Variants in DOCK1 observed in about 807,000 individuals in gnomAD.
DOCK1 encodes the protein dedicator of cytokinesis protein 1.
A neutral mutation model predicts 262.7 loss-of-function variants in DOCK1; 138 were observed. That is an observed-to-expected ratio of 0.53 (90% CI 0.46 to 0.61). The LOEUF (loss-of-function observed/expected upper bound fraction) is 0.61. Among genes scored for constraint, DOCK1 ranks in the 20% least tolerant of loss-of-function variants. The pLI, the probability that DOCK1 is intolerant of heterozygous loss-of-function variation, is 0.00. For synonymous variants in DOCK1, 866 were observed against 867.4 expected (o/e 1.00, Z 0.03); for missense variants, 1,908 against 2,370.7 (o/e 0.80, Z 4.05).
Position 127,052,801 on chromosome 10 carries a change from G to A in DOCK1, c.2322G>A (p.Arg774=). ...TCTTCAAGTTCATCGTGCGCTCCAG[G>A]ATCCTGTTCAATCAGTGCGTACCTA... The part of the protein sequence containing the change: ...ESIFKFIVRS[R]ILFNQLYENK... The change falls in exon 22 of 52, where the codon AGG becomes AGA. Residue 774 remains arginine (R), a synonymous_variant. Transcript: ENST00000623213. The A allele has an allele frequency of 6.2e-7, 1 of 1,613,180 alleles. No individual in the cohort carries two copies. The highest frequency in any genetic ancestry group is 8.5e-7 in the Non-Finnish European group (1 of 1,179,408).
intron 29 of DOCK1, among the ~76,000 whole-genome samples, chr10:127,312,122 A>G (rs1468947481): frequency 1.3e-5 from 2 of 152,084 alleles, no homozygotes; most frequent in Non-Finnish European, 2.9e-5. Context: ...TTTTGTTTTC[A>G]TGGCATTCTG....
chr10:126,941,615 G>C (rs2035001199), intron 1 of DOCK1, among the ~76,000 whole-genome samples: 1 of 152,104 alleles, frequency 6.6e-6, no homozygotes, highest in Non-Finnish European at 1.5e-5. Flanking sequence ...AATTAGCCAG[G>C]CGTGGTGGCG....
intron 29 of DOCK1, among the ~76,000 whole-genome samples, chr10:127,336,828 C>G (rs924394645): frequency 6.6e-6 from 1 of 152,162 alleles, no homozygotes; most frequent in Non-Finnish European, 1.5e-5. Context: ...CGTGAGCCAC[C>G]GCGCCCAGCT....
chr10:126,960,743 TATAC>T (rs1323281078), intron 1 of DOCK1, among the ~76,000 whole-genome samples: 4,832 of 127,444 alleles, frequency 0.038, 277 homozygotes, highest in African/African-American at 0.14. Context: ...TATATATATA[TATAC>T]ACACACACAC....
At chr10:127,087,337 T>C (rs2047256461) in intron 23 of DOCK1, among the ~76,000 whole-genome samples, 1 of 152,188 alleles carries the variant, frequency 6.6e-6, no homozygotes, top group African/African-American at 2.4e-5. Flanking sequence ...AGAATCCAGT[T>C]AGATGGCTCA....
In DOCK1 at chr10:127,409,042, A is replaced by C; in HGVS notation, c.4128A>C (p.Lys1376Asn). ...ATGAATGTCACCCTTTTCAGGGAAAAGTTTTCATTTACCGAGGGAAAGAGT... is the reference window on the plus strand; with the variant it reads ...ATGAATGTCACCCTTTTCAGGGAAACGTTTTCATTTACCGAGGGAAAGAGT... ...GQGFPTFLRG[K>N]VFIYRGKEYE... Residue 1376 changes from lysine (K) to asparagine (N), a missense_variant, in exon 41 of 52, where the codon AAA (lysine) becomes AAC (asparagine). Coordinates refer to ENST00000623213, the MANE Select transcript of DOCK1 (RefSeq NM_001290223.2). 1.3e-6 allele frequency: 2 copies of C among 1,582,162 alleles called. No homozygotes were observed. The highest frequency in any genetic ancestry group is 1.7e-6 in the Non-Finnish European group (2 of 1,162,834).
chr10:127,290,212 T>C (rs918817554), intron 29 of DOCK1, among the ~76,000 whole-genome samples: 15 of 152,198 alleles, frequency 9.9e-5, no homozygotes, highest in Non-Finnish European at 1.5e-5. Context: ...AAATGAATGC[T>C]GTAGATCATA....
intron 3 of DOCK1, among the ~76,000 whole-genome samples, chr10:126,979,331 T>G (rs1438974269): frequency 6.6e-6 from 1 of 152,144 alleles, no homozygotes; most frequent in Non-Finnish European, 1.5e-5. Flanking sequence ...GACCAGCCTC[T>G]GCTGGTCATA....
intron 38 of DOCK1, among the ~76,000 whole-genome samples, chr10:127,393,468 T>G (rs370335781): frequency 1.3e-5 from 2 of 152,134 alleles, no homozygotes; most frequent in African/African-American, 4.8e-5. Flanking sequence ...AATAGGGGCT[T>G]CCAGAATCCA....
intron 1 of DOCK1, among the ~76,000 whole-genome samples, chr10:126,932,277 C>T (rs1364007308): frequency 6.6e-6 from 1 of 152,172 alleles, no homozygotes; most frequent in East Asian, 1.9e-4. Flanking sequence ...GGTGTGTTGG[C>T]ATGCGCCTAG....
intron 29 of DOCK1, among the ~76,000 whole-genome samples, chr10:127,324,023 G>A (rs7079930): frequency 0.035 from 5,375 of 152,314 alleles, 330 homozygotes; most frequent in African/African-American, 0.12. Flanking sequence ...TTCTTGAGGA[G>A]GGGGAGCGGT....
At chr10:126,998,292 T>C (rs1435958285) in intron 8 of DOCK1, 43 bp downstream of exon 8, 2 of 1,610,670 alleles carry the variant, frequency 1.2e-6, no homozygotes. Flanking sequence ...CTTTGGTTAG[T>C]GTTAGGAACT....
At chr10:127,214,673 GGGAGAGCGCCTCCA>G (rs368194634) in intron 27 of DOCK1, among the ~76,000 whole-genome samples, 1 of 152,256 alleles carries the variant, frequency 6.6e-6, no homozygotes, top group East Asian at 1.9e-4. Flanking sequence ...GCACACCTGC[GGGAGAGCGCCTCCA>G]GGAAACACAC....
intron 24 of DOCK1, among the ~76,000 whole-genome samples, chr10:127,106,794 G>T (rs1564807554): frequency 6.6e-6 from 1 of 152,012 alleles, no homozygotes; most frequent in Non-Finnish European, 1.5e-5. Context: ...GAGAAAGCTG[G>T]TCACTGGGCT....
In DOCK1 at chr10:127,261,640, C is replaced by T. The variant is rs560227780; in HGVS notation, c.3044+4211C>T. On this transcript the variant is annotated intron_variant, in intron 29 of 51. Coordinates refer to ENST00000623213, the MANE Select transcript of DOCK1 (RefSeq NM_001290223.2). ...GCTCATCTGTGTGTGTGCATGTGTA[C>T]CTGCATGTGTGTGCATGTGGGTGTG... is the stretch of plus-strand genomic sequence containing the variant. Among the ~76,000 whole-genome samples the T allele has an allele frequency of 1.3e-4, 6 of 46,790 alleles. No homozygotes were observed. The South Asian group carries it at 3.1e-3, about 24-fold the overall frequency. 30.7% of individuals were successfully genotyped at this position (46,790 alleles called of 152,430 possible).
At chr10:126,947,312 G>T (rs900898505) in intron 1 of DOCK1, among the ~76,000 whole-genome samples, 1 of 135,932 alleles carries the variant, frequency 7.4e-6, no homozygotes, top group African/African-American at 2.7e-5. Flanking sequence ...ACTGTTGGTG[G>T]TGATGGTGGT....
At chr10:127,145,438 T>C (rs1245884768) in intron 27 of DOCK1, among the ~76,000 whole-genome samples, 2 of 152,226 alleles carry the variant, frequency 1.3e-5, no homozygotes, top group African/African-American at 2.4e-5. Context: ...TGCAGAACAC[T>C]GCTGTTCCTG....
intron 22 of DOCK1, among the ~76,000 whole-genome samples, chr10:127,060,627 A>C (rs2045470385): frequency 6.6e-6 from 1 of 152,258 alleles, no homozygotes; most frequent in African/African-American, 2.4e-5. Context: ...GTTGCTTTTT[A>C]GTAACACAGC....
intron 29 of DOCK1, among the ~76,000 whole-genome samples, chr10:127,311,140 C>T (rs80018609): frequency 0.032 from 4,859 of 152,256 alleles, 211 homozygotes; most frequent in East Asian, 0.092. Context: ...AGATTCCAAT[C>T]CAGAAGGTCT....
Sources: allele counts gnomAD v4.1 joint callset (sites outside exome capture counted in the v4.1 genomes callset), GRCh38; gene constraint gnomAD v4.1.1; transcripts MANE v1.5; gene names NCBI Gene and HGNC (gene_info 2026-07-23, HGNC 2026-07-21).